FSTL5: variants seen among roughly 807,000 people sequenced by gnomAD.
FSTL5 encodes follistatin like 5, also known as follistatin-related protein 5.
FSTL5 carries 62 observed loss-of-function variants against 89.1 expected under a neutral mutation model. That is an observed-to-expected ratio of 0.70 (90% CI 0.57 to 0.86). The LOEUF (loss-of-function observed/expected upper bound fraction) is 0.86, where lower values mean the gene tolerates loss of function less well. Among genes scored for constraint, FSTL5 ranks in the 40% least tolerant of loss-of-function variants. FSTL5 has a pLI of 0.00. For missense variants in FSTL5, 1,057 were observed against 1,001.6 expected (o/e 1.06, Z -0.75); for synonymous variants, 383 against 346.2 (o/e 1.11, Z -1.18).
intron 3 of FSTL5, 74 bp from the exon 4 acceptor site, chr4:161,920,726 G>C (rs528557843): frequency 1.4e-6 from 2 of 1,412,228 alleles, no homozygotes; most frequent in Admixed American, 2.3e-5. Flanking sequence ...AGAGTATCAA[G>C]TGGAAAACAA....
chr4:162,030,372 T>C (rs185563611), intron 3 of FSTL5, among the ~76,000 whole-genome samples: 216 of 152,270 alleles, frequency 1.4e-3, no homozygotes, highest in Non-Finnish European at 2.7e-3. Flanking sequence ...TATGAAAATA[T>C]AAGTATTAAA....
At chr4:161,774,377 T>C (rs896282157) in intron 5 of FSTL5, among the ~76,000 whole-genome samples, 1 of 152,084 alleles carries the variant, frequency 6.6e-6, no homozygotes, top group Admixed American at 6.6e-5. Flanking sequence ...CTTCCAGGAT[T>C]GAGAGGATAA....
chr4:161,717,821 G>T (rs1040523128), intron 6 of FSTL5, among the ~76,000 whole-genome samples: 2 of 151,928 alleles, frequency 1.3e-5, no homozygotes, highest in Non-Finnish European at 2.9e-5. Flanking sequence ...TTGTATAAAG[G>T]TTATTTAATC....
intron 15 of FSTL5, among the ~76,000 whole-genome samples, chr4:161,447,971 G>A (rs1428482995): frequency 2.0e-5 from 3 of 152,210 alleles, no homozygotes; most frequent in East Asian, 1.9e-4. Context: ...GAGATAATAG[G>A]TTCTGAAAAT....
chr4:161,401,410 G>A (rs1249666428), intron 15 of FSTL5, among the ~76,000 whole-genome samples: 1 of 152,164 alleles, frequency 6.6e-6, no homozygotes, highest in Non-Finnish European at 1.5e-5. Context: ...GTTTTTGTGT[G>A]ATTATGCTAA....
At chr4:161,547,913 TAA>T (rs1732060308) in intron 8 of FSTL5, among the ~76,000 whole-genome samples, 1 of 151,886 alleles carries the variant, frequency 6.6e-6, no homozygotes, top group Non-Finnish European at 1.5e-5. Flanking sequence ...TCATATATTT[TAA>T]GATTAATAAA....
At chr4:161,923,875 A>G (rs992449893) in intron 3 of FSTL5, among the ~76,000 whole-genome samples, 1 of 151,868 alleles carries the variant, frequency 6.6e-6, no homozygotes, top group Non-Finnish European at 1.5e-5. Context: ...ACTAGCTAGA[A>G]GCTGTGTGTT....
chr4:161,779,823 A>ATATATATATATATATATATG (rs1560841151), intron 4 of FSTL5, among the ~76,000 whole-genome samples: 1 of 106,754 alleles, frequency 9.4e-6, no homozygotes, highest in African/African-American at 3.6e-5. Context: ...ATATATATAT[A>ATATATATATATATATATATG]TATATATATA....
At chr4:161,448,660 C>G (rs1231910097) in intron 15 of FSTL5, among the ~76,000 whole-genome samples, 1 of 152,174 alleles carries the variant, frequency 6.6e-6, no homozygotes, top group Non-Finnish European at 1.5e-5. Flanking sequence ...CCGCTACTTA[C>G]TCTCTCATTT....
At chr4:161,594,900 A>T (rs1477325559) in intron 7 of FSTL5, among the ~76,000 whole-genome samples, 3 of 152,058 alleles carry the variant, frequency 2.0e-5, no homozygotes, top group Non-Finnish European at 4.4e-5. Flanking sequence ...TTTATCATTT[A>T]AACAACTTCG....
intron 4 of FSTL5, among the ~76,000 whole-genome samples, chr4:161,883,343 A>G (rs1167195668): frequency 6.6e-6 from 1 of 152,208 alleles, no homozygotes; most frequent in Non-Finnish European, 1.5e-5. Flanking sequence ...AACATTCTCT[A>G]CGTGCCTAAC....
intron 7 of FSTL5, among the ~76,000 whole-genome samples, chr4:161,588,892 G>C (rs1560967823): frequency 6.6e-6 from 1 of 152,046 alleles, no homozygotes; most frequent in Non-Finnish European, 1.5e-5. Context: ...GTACCTGTTG[G>C]ATAGATTAGC....
intron 8 of FSTL5, among the ~76,000 whole-genome samples, chr4:161,548,942 G>T (rs915802356): frequency 6.6e-6 from 1 of 151,712 alleles, no homozygotes; most frequent in African/African-American, 2.4e-5. Context: ...AAATTAACAT[G>T]CTATCTTTAA....
chr4:161,624,826 T>C (rs926348155), intron 7 of FSTL5, among the ~76,000 whole-genome samples: 2 of 152,190 alleles, frequency 1.3e-5, no homozygotes, highest in Non-Finnish European at 2.9e-5. Context: ...AACCAGTATA[T>C]GTTTTGTAGA....
chr4:161,588,707 G>A (rs1352946096), intron 7 of FSTL5, among the ~76,000 whole-genome samples: 1 of 152,106 alleles, frequency 6.6e-6, no homozygotes. Context: ...TAGTAAGAAT[G>A]GCAAAATTTA....
rs148187210 is a variant in FSTL5 at position 162,104,161 on chromosome 4, G to A, written c.126+7110C>T. ...GTATCTGCTGTGCTCCTGATCCAGC[G>A]AGGCGCCTATTGCCACTCCCTATTG... On this transcript the variant is annotated intron_variant, in intron 2 of 15. Coordinates refer to ENST00000306100, the MANE Select transcript of FSTL5 (RefSeq NM_020116.5). Among the ~76,000 whole-genome samples, 658 of 152,296 alleles carry A rather than the reference G, an allele frequency of 4.3e-3. 5 individuals are homozygous for A. Among genetic ancestry groups the A allele is most frequent in the African/African-American group, 0.015 (625 of 41,568 alleles).
At chr4:162,122,272 T>C (rs960702633) in intron 1 of FSTL5, among the ~76,000 whole-genome samples, 2 of 152,110 alleles carry the variant, frequency 1.3e-5, no homozygotes, top group African/African-American at 4.8e-5. Flanking sequence ...TCATTCTACT[T>C]GTGGCTGGGC....
At chr4:161,874,658 T>C (rs1357641209) in intron 4 of FSTL5, among the ~76,000 whole-genome samples, 4 of 151,544 alleles carry the variant, frequency 2.6e-5, no homozygotes, top group Admixed American at 6.6e-5. Flanking sequence ...TTCAGGGTAG[T>C]ACCTTGGGGT....
chr4:162,111,615 G>A (rs151209281), intron 1 of FSTL5, among the ~76,000 whole-genome samples: 1 of 151,836 alleles, frequency 6.6e-6, no homozygotes, highest in Admixed American at 6.6e-5. Flanking sequence ...CATTCAGACA[G>A]CTATATAAAA....
Sources: gnomAD v4.1 joint callset for allele counts (sites outside exome capture counted in the v4.1 genomes callset) on GRCh38, gnomAD v4.1.1 for gene constraint, MANE v1.5 for transcripts, NCBI Gene and HGNC (gene_info 2026-07-23, HGNC 2026-07-21) for gene names.